Variants in RAB3C observed in about 807,000 individuals in gnomAD.
RAB3C encodes ras-related protein Rab-3C.
RAB3C carries 17 observed loss-of-function variants against 26.4 expected under a neutral mutation model. The ratio of observed to expected loss-of-function variants is 0.64; its 90% CI spans 0.44 to 0.97. RAB3C has a LOEUF of 0.97. Ranked by LOEUF, RAB3C falls within the 50% of genes least tolerant of loss-of-function variation. RAB3C has a pLI of 0.00. For synonymous variants in RAB3C, 91 were observed against 95.9 expected (o/e 0.95, Z 0.30); for missense variants, 242 against 281.9 (o/e 0.86, Z 1.01).
intron 4 of RAB3C, chr5:58,848,577 A>C (rs1481046486): frequency 6.6e-6 from 1 of 152,194 alleles, no homozygotes; most frequent in African/African-American, 2.4e-5. Flanking sequence ...GGTACCTACT[A>C]ATGGATAAAA....
At chr5:58,614,495 G>A (rs292968) in intron 1 of RAB3C, among the ~76,000 whole-genome samples, 116,739 of 151,858 alleles carry the variant, frequency 0.77, 44,908 homozygotes, top group South Asian at 0.84. Context: ...AAAAACCCAT[G>A]AACAGTCTTC....
intron 1 of RAB3C, among the ~76,000 whole-genome samples, chr5:58,595,916 G>A (rs533979281): frequency 1.3e-5 from 2 of 152,170 alleles, no homozygotes; most frequent in Admixed American, 1.3e-4. Flanking sequence ...TTTACAAATT[G>A]ACATCTGCAT....
Position 58,845,612 on chromosome 5 carries a change from A to ATGTGTGTGTGTGTGTGTGTGTGTGTG in RAB3C, c.497-5533_497-5532insGTGTGTGTGTGTGTGTGTGTGTGTGT, listed in dbSNP as rs1289870360. Among the ~76,000 whole-genome samples the ATGTGTGTGTGTGTGTGTGTGTGTGTG allele has an allele frequency of 3.7e-5, 3 of 81,718 alleles. 1 individual carries two copies. Among genetic ancestry groups the ATGTGTGTGTGTGTGTGTGTGTGTGTG allele is most frequent in the African/African-American group, 1.7e-4 (3 of 17,202 alleles). 53.6% of individuals were successfully genotyped at this position (81,718 alleles called of 152,430 possible). Reference sequence around the variant, plus strand: ...ATTCTTACTATATATATATATATATATGTGTGTGTGTGTGTGTGTATATGT... The same window carrying ATGTGTGTGTGTGTGTGTGTGTGTGTG: ...ATTCTTACTATATATATATATATATATGTGTGTGTGTGTGTGTGTGTGTGTGTGTGTGTGTGTGTGTGTGTATATGT... On this transcript the variant is annotated intron_variant, in intron 4 of 4. Coordinates refer to ENST00000282878, the MANE Select transcript of RAB3C (RefSeq NM_138453.4).
chr5:58,638,958 A>C (rs1378271186), intron 2 of RAB3C, among the ~76,000 whole-genome samples: 1 of 152,106 alleles, frequency 6.6e-6, no homozygotes, highest in Non-Finnish European at 1.5e-5. Flanking sequence ...TGCCTGCCTT[A>C]CTGCATTTGC....
intron 3 of RAB3C, among the ~76,000 whole-genome samples, chr5:58,754,825 G>T (rs1741617826): frequency 6.6e-6 from 1 of 151,908 alleles, no homozygotes; most frequent in African/African-American, 2.4e-5. Flanking sequence ...AAACGCCCTT[G>T]TGACCACCTC....
At chr5:58,653,452 A>G (rs891042277) in intron 2 of RAB3C, among the ~76,000 whole-genome samples, 5 of 152,234 alleles carry the variant, frequency 3.3e-5, no homozygotes, top group African/African-American at 4.8e-5. Context: ...TACTGGGTGT[A>G]TACCCAAAGG....
At chr5:58,747,694 A>G (rs1219955375) in intron 3 of RAB3C, among the ~76,000 whole-genome samples, 11 of 151,674 alleles carry the variant, frequency 7.3e-5, no homozygotes, top group African/African-American at 1.7e-4. Context: ...CACCTATATT[A>G]TTATTATTCT....
intron 4 of RAB3C, among the ~76,000 whole-genome samples, chr5:58,828,901 CTTTTTTTTTTT>C (rs762653092): frequency 3.3e-5 from 4 of 122,434 alleles, no homozygotes; most frequent in South Asian, 2.6e-4. Flanking sequence ...TTTTACCATG[CTTTTTTTTTTT>C]TTTTTTTTTT....
chr5:58,692,593 G>A (rs290573), intron 2 of RAB3C, among the ~76,000 whole-genome samples: 54,184 of 151,768 alleles, frequency 0.36, 10,092 homozygotes, highest in East Asian at 0.42. Context: ...GGTGATAATA[G>A]CACTTCATTC....
At chr5:58,736,700 C>A (rs1281620602) in intron 3 of RAB3C, among the ~76,000 whole-genome samples, 1 of 152,142 alleles carries the variant, frequency 6.6e-6, no homozygotes, top group Non-Finnish European at 1.5e-5. Flanking sequence ...TGGATTGGGG[C>A]CTACCCTAAT....
intron 3 of RAB3C, among the ~76,000 whole-genome samples, chr5:58,819,171 C>G (rs1743283800): frequency 6.6e-6 from 1 of 152,142 alleles, no homozygotes; most frequent in African/African-American, 2.4e-5. Flanking sequence ...CAGTGTGGCC[C>G]TACCTAAAAC....
At chr5:58,786,457 G>A (rs903681820) in intron 3 of RAB3C, among the ~76,000 whole-genome samples, 11 of 152,084 alleles carry the variant, frequency 7.2e-5, no homozygotes, top group Non-Finnish European at 1.6e-4. Flanking sequence ...CAGGAGGGAC[G>A]CACAGTTCCC....
At position 58,855,663 on chromosome 5, in the gene RAB3C, G is replaced by T. The variant is rs1281102861; in HGVS notation, c.*4312G>T. On this transcript the variant is annotated 3_prime_UTR_variant, in exon 5 of 5. Transcript: ENST00000282878. ...ATGCTGAACCTTTGAGCCAGCTTTT[G>T]GGAGTTCTTCATATTTTAGGTGAAT... The T allele has an allele frequency of 6.6e-6, 1 of 152,154 alleles. No homozygotes were observed. Among genetic ancestry groups the T allele is most frequent in the African/African-American group, 2.4e-5 (1 of 41,442 alleles). The allele number at this position is 152,154 out of a possible 1,614,324, so 9.4% of individuals were successfully genotyped here.
chr5:58,793,890 A>G (rs981105184), intron 3 of RAB3C, among the ~76,000 whole-genome samples: 7 of 152,152 alleles, frequency 4.6e-5, no homozygotes, highest in African/African-American at 1.7e-4. Context: ...ATACATTTCT[A>G]TTGTGTGAGT....
At chr5:58,757,966 G>T (rs189052054) in intron 3 of RAB3C, among the ~76,000 whole-genome samples, 23 of 144,260 alleles carry the variant, frequency 1.6e-4, no homozygotes, top group African/African-American at 5.8e-4. Context: ...TTTTGAGACG[G>T]AGTCTCGCTC....
At chr5:58,720,486 T>TA (rs972903467) in intron 2 of RAB3C, among the ~76,000 whole-genome samples, 1 of 151,884 alleles carries the variant, frequency 6.6e-6, no homozygotes, top group African/African-American at 2.4e-5. Context: ...AGGTATGAAT[T>TA]AAGAGATCCC....
chr5:58,761,634 AT>A (rs970456534), intron 3 of RAB3C, among the ~76,000 whole-genome samples: 1 of 152,152 alleles, frequency 6.6e-6, no homozygotes, highest in African/African-American at 2.4e-5. Flanking sequence ...ATACACACAC[AT>A]ACCCACACAC....
intron 2 of RAB3C, among the ~76,000 whole-genome samples, chr5:58,649,533 G>A (rs573695397): frequency 9.2e-5 from 14 of 151,864 alleles, no homozygotes; most frequent in African/African-American, 2.9e-4. Context: ...CCACCTTACT[G>A]TCTGCCCATT....
At chr5:58,673,447 TACACACACACAC>T (rs71604758) in intron 2 of RAB3C, among the ~76,000 whole-genome samples, 18,524 of 146,002 alleles carry the variant, frequency 0.13, 1,355 homozygotes, top group Non-Finnish European at 0.17. Flanking sequence ...GAACTAGTTA[TACACACACACAC>T]ACACACACAC....
Sources: allele counts gnomAD v4.1 joint callset (sites outside exome capture counted in the v4.1 genomes callset), GRCh38; gene constraint gnomAD v4.1.1; transcripts MANE v1.5; gene names NCBI Gene and HGNC (gene_info 2026-07-23, HGNC 2026-07-21).